The following AOC1 variants were observed in gnomAD, a reference collection of about 807,000 sequenced individuals.
AOC1 encodes diamine oxidase [copper-containing].
A neutral mutation model predicts 57.1 loss-of-function variants in AOC1; 58 were observed. The observed-to-expected ratio is 1.02, with a 90% CI of 0.82 to 1.26. AOC1 has a LOEUF of 1.26. AOC1 is among the 50% of genes most tolerant of loss of function. The pLI is 0.00. For synonymous variants in AOC1, 401 were observed against 423.4 expected (o/e 0.95, Z 0.65); for missense variants, 917 against 1,005.3 (o/e 0.91, Z 1.19).
chr7:150,856,430 G>A lies in AOC1; in HGVS notation c.-16-25G>A. The stretch of plus-strand genomic sequence containing the variant: ...CCATCTCTGCCCATAAGACAACTAA[G>A]TTCATCTCCTCTATTGCATTCCAGA... On this transcript the variant is annotated intron_variant, in intron 1 of 4. Transcript: ENST00000360937. This position sits in a 1 kb window ranked among gnomAD's most constrained non-coding sequence, Gnocchi z 5.2. The A allele has an allele frequency of 6.4e-7, 1 of 1,571,262 alleles. No homozygotes were observed. Among genetic ancestry groups the A allele is most frequent in the Non-Finnish European group, 8.6e-7 (1 of 1,162,960 alleles).
At chr7:150,859,072 G>A in intron 3 of AOC1, 24 bp downstream of exon 3, 1 of 1,522,398 alleles carries the variant, frequency 6.6e-7, no homozygotes, top group Middle Eastern at 1.9e-4. Flanking sequence ...AGGGGGCCTG[G>A]GGGAGGGTCA....
chr7:150,860,123 G>A (rs1027037733), intron 3 of AOC1, among the ~76,000 whole-genome samples: 4 of 151,822 alleles, frequency 2.6e-5, no homozygotes, highest in African/African-American at 9.7e-5. Flanking sequence ...AGGTTGCAGT[G>A]AGCCAAGATC....
In AOC1 at chr7:150,860,616, G is replaced by A. The variant is rs150589026; in HGVS notation, c.1972G>A (p.Glu658Lys). 2.2e-5 allele frequency: 35 copies of A among 1,613,914 alleles called. No homozygotes were observed. The East Asian group carries it at 5.6e-4, about 26-fold the overall frequency. ...VVFEQFLHNN[E>K]NIENEDLVAW... Reference sequence around the variant, plus strand: ...CTTTGAGCAGTTTCTTCACAACAACGAGAACATTGAAAATGAGGTACTGCC... The same window carrying A: ...CTTTGAGCAGTTTCTTCACAACAACAAGAACATTGAAAATGAGGTACTGCC... Residue 658 changes from glutamate to lysine, a missense_variant, in exon 4 of 5, where the codon GAG (glutamate) becomes AAG (lysine). By Grantham distance (56) the Glu-to-Lys change is moderately conservative. Transcript: ENST00000360937.
Position 150,856,481 on chromosome 7 carries a change from T to G in AOC1, c.11T>G (p.Leu4Arg). The G allele has an allele frequency of 6.2e-7, 1 of 1,613,060 alleles. No individual in the cohort carries two copies. Among genetic ancestry groups the G allele is most frequent in the Non-Finnish European group, 8.5e-7 (1 of 1,179,608 alleles). Residue 4 changes from leucine (L) to arginine (R), a missense_variant, in exon 2 of 5, where the codon CTG (leucine) becomes CGG (arginine). Physicochemically the swap from Leu to Arg is moderately radical, Grantham distance 102 (BLOSUM62 -2). Coordinates refer to ENST00000360937, the MANE Select transcript of AOC1 (RefSeq NM_001091.4). This position sits in a 1 kb window ranked among gnomAD's most constrained non-coding sequence, Gnocchi z 5.2. The stretch of plus-strand genomic sequence containing the variant: ...GCCGTGGAGCGAGAGATGCCGGCCC[T>G]GGGCTGGGCCGTGGCTGCCATCCTG... MPA[L>R]GWAVAAILML...
chr7:150,856,877 C>G lies in AOC1; in HGVS notation c.407C>G (p.Ser136Cys). The G allele has an allele frequency of 6.2e-7, 1 of 1,614,104 alleles. No individual in the cohort carries two copies. The highest frequency in any genetic ancestry group is 8.5e-7 in the Non-Finnish European group (1 of 1,179,984). The change falls in exon 2 of 5, where the codon TCC becomes TGC. Residue 136 changes from serine (S) to cysteine (C), a missense_variant. Physicochemically the swap from Ser to Cys is moderately radical, Grantham distance 112 (BLOSUM62 -1). Coordinates refer to ENST00000360937, the MANE Select transcript of AOC1 (RefSeq NM_001091.4). The surrounding 1 kb of genome is among the most constrained non-coding windows in gnomAD (Gnocchi z 5.2). ...CTGTCCCCCAGGCCTGGGTACCAGT[C>G]CTCCTGGGCATCGAGGCCCATCTCC... ...RALSPRPGYQ[S>C]SWASRPISTA...
Position 150,857,089 on chromosome 7 carries a change from G to A in AOC1, c.619G>A (p.Val207Ile). The change falls in exon 2 of 5, where the codon GTA (valine) becomes ATA (isoleucine). Residue 207 changes from valine to isoleucine, a missense_variant. Transcript: ENST00000360937. This position sits in a 1 kb window ranked among gnomAD's most constrained non-coding sequence, Gnocchi z 6.6. ...CAGTTGGCTTATCATACAGCGCTAT[G>A]TAGAAGGCTACTTTCTGCACCCCAC... The part of the protein sequence containing the change: ...RRSWLIIQRY[V>I]EGYFLHPTGL... The A allele has an allele frequency of 6.2e-7, 1 of 1,614,104 alleles. No individual in the cohort carries two copies. Among genetic ancestry groups the A allele is most frequent in the Non-Finnish European group, 8.5e-7 (1 of 1,180,002 alleles).
rs1799967318 is a variant in AOC1 at position 150,861,430 on chromosome 7, ACT to A, written c.*223_*224del. The A allele has an allele frequency of 6.0e-6, 3 of 496,296 alleles. No homozygotes were observed. Among genetic ancestry groups the A allele is most frequent in the Non-Finnish European group, 1.1e-5 (3 of 285,028 alleles). 30.7% of individuals were successfully genotyped at this position (496,296 alleles called of 1,614,324 possible). A position where few individuals can be genotyped will look rare whatever the true frequency, so the allele number is the denominator to read the frequency against. On this transcript the variant is annotated 3_prime_UTR_variant, in exon 5 of 5. Coordinates refer to ENST00000360937, the MANE Select transcript of AOC1 (RefSeq NM_001091.4). The surrounding 1 kb of genome is among the most constrained non-coding windows in gnomAD (Gnocchi z 4.5). Reference sequence around the variant, plus strand: ...CGTGCACACACACAGACGTGCACGCACTCACACGGACATGCACACACATGGCA... The same window carrying A: ...CGTGCACACACACAGACGTGCACGCACACACGGACATGCACACACATGGCA...
chr7:150,857,343 C>T lies in AOC1; in HGVS notation c.873C>T (p.Phe291=). The T allele has an allele frequency of 1.9e-6, 3 of 1,604,490 alleles. No individual in the cohort carries two copies. Among genetic ancestry groups the T allele is most frequent in the Non-Finnish European group, 2.6e-6 (3 of 1,174,182 alleles). ...CCTCCCACAAGCCCCGCGGGGACTT[C>T]CCCAGCCCCATCCATGTGAGCGGCC... ...LFSSHKPRGD[F]PSPIHVSGPR... Residue 291 remains phenylalanine, a synonymous_variant, in exon 2 of 5, where the codon TTC becomes TTT. Transcript: ENST00000360937. This position sits in a 1 kb window ranked among gnomAD's most constrained non-coding sequence, Gnocchi z 6.6.
intron 1 of AOC1, among the ~76,000 whole-genome samples, chr7:150,854,664 G>A (rs752856622): frequency 6.6e-6 from 1 of 152,130 alleles, no homozygotes; most frequent in Non-Finnish European, 1.5e-5. Context: ...GTTAACACAT[G>A]GGTTGTGTTC....
At position 150,852,769 on chromosome 7, in the gene AOC1, C is replaced by T. The variant is rs1244342811; in HGVS notation, c.-17+211C>T. ...CGGCCAGGGTGGAGTGGGGAAAGCT[C>T]AGAGAGGAGGGTGAGCAGGGAGAGG... On this transcript the variant is annotated intron_variant, in intron 1 of 4. Transcript: ENST00000360937. This position sits in a 1 kb window ranked among gnomAD's most constrained non-coding sequence, Gnocchi z 4.6. Among the ~76,000 whole-genome samples, 3 of 152,116 alleles carry T rather than the reference C, an allele frequency of 2.0e-5. No individual in the cohort carries two copies. Among genetic ancestry groups the T allele is most frequent in the African/African-American group, 7.2e-5 (3 of 41,424 alleles).
In AOC1 at chr7:150,856,846, C is replaced by T. The variant is rs181034632; in HGVS notation, c.376C>T (p.Arg126Ter). 2.9e-5 allele frequency: 46 copies of T among 1,613,948 alleles called. No individual in the cohort carries two copies. Among genetic ancestry groups the T allele is most frequent in the African/African-American group, 8.0e-5 (6 of 74,932 alleles). Reference sequence around the variant, plus strand: ...GCCCCTGCCAGGGCCCTGCTACATGCGAGCACTGTCCCCCAGGCCTGGGTA... The same window carrying T: ...GCCCCTGCCAGGGCCCTGCTACATGTGAGCACTGTCCCCCAGGCCTGGGTA... Reference protein sequence around the residue: ...VGPLPGPCYMRALSPRPGYQS... With the variant: ...VGPLPGPCYM The change falls in exon 2 of 5, where the codon CGA becomes TGA. Residue 126 changes from arginine to a stop codon, truncating the protein, a stop_gained. Transcript: ENST00000360937. LOFTEE classifies it high-confidence loss of function. This position sits in a 1 kb window ranked among gnomAD's most constrained non-coding sequence, Gnocchi z 5.2.
chr7:150,859,947 G>A, intron 3 of AOC1: 1 of 154,510 alleles, frequency 6.5e-6, no homozygotes, highest in Admixed American at 6.4e-5. Flanking sequence ...GGGAGGCCAA[G>A]GTGGGCAGAT....
chr7:150,859,053 G>C lies in AOC1; in HGVS notation c.1856+5G>C. On this transcript the variant is annotated splice_donor_5th_base_variant and intron_variant, in intron 3 of 4. Transcript: ENST00000360937. Reference sequence around the variant, plus strand: ...GCAGGCCATCACCTGGGCAAGGTGAGGAAGACCCAGGGGGCCTGGGGGAGG... The same window carrying C: ...GCAGGCCATCACCTGGGCAAGGTGACGAAGACCCAGGGGGCCTGGGGGAGG... 1 of 1,552,280 alleles carries C rather than the reference G, an allele frequency of 6.4e-7. No individual in the cohort carries two copies. Among genetic ancestry groups the C allele is most frequent in the Non-Finnish European group, 8.7e-7 (1 of 1,145,346 alleles).
chr7:150,853,054 A>G (rs1799666266), intron 1 of AOC1, among the ~76,000 whole-genome samples: 1 of 152,200 alleles, frequency 6.6e-6, no homozygotes, highest in African/African-American at 2.4e-5. Context: ...GATTCCAAAT[A>G]CAGGACGTTC....
chr7:150,860,754 G>A (rs1056178717), intron 4 of AOC1, 121 bp downstream of exon 4: 22 of 1,394,474 alleles, frequency 1.6e-5, no homozygotes, highest in Middle Eastern at 2.1e-4. Context: ...GTCCCCAGTC[G>A]CAGGAGCTGT....
rs748879563 is a variant in AOC1, at chr7:150,860,576, G to C, written c.1932G>C (p.Trp644Cys). Reference sequence around the variant, plus strand: ...GCATCTACCACCAGAACGACCCCTGGCACCCGCCCGTGGTCTTTGAGCAGT... The same window carrying C: ...GCATCTACCACCAGAACGACCCCTGCCACCCGCCCGTGGTCTTTGAGCAGT... ...SSSIYHQNDP[W>C]HPPVVFEQFL... The change falls in exon 4 of 5, where the codon TGG becomes TGC. Residue 644 changes from tryptophan to cysteine, a missense_variant. Transcript: ENST00000360937. 6.2e-7 allele frequency: 1 copy of C among 1,614,010 alleles called. No homozygotes were observed. Among genetic ancestry groups the C allele is most frequent in the East Asian group, 2.2e-5 (1 of 44,864 alleles).
rs1799662576 is a variant in AOC1 at position 150,852,907 on chromosome 7, C to A, written c.-17+349C>A. 6.6e-6 allele frequency among the ~76,000 whole-genome samples: 1 copy of A among 152,148 alleles called. No homozygotes were observed. Among genetic ancestry groups the A allele is most frequent in the Non-Finnish European group, 1.5e-5 (1 of 68,034 alleles). ...GCAAAGGTCTCTTCCACATCTTTCTCCTTCCTGGAAAAGCAAAAAGAAACG... is the reference window on the plus strand; with the variant it reads ...GCAAAGGTCTCTTCCACATCTTTCTACTTCCTGGAAAAGCAAAAAGAAACG... On this transcript the variant is annotated intron_variant, in intron 1 of 4. Transcript: ENST00000360937. This position sits in a 1 kb window ranked among gnomAD's most constrained non-coding sequence, Gnocchi z 4.6.
chr7:150,858,061 C>G (rs1304268440), intron 2 of AOC1, 21 bp downstream of exon 2: 2 of 1,499,640 alleles, frequency 1.3e-6, no homozygotes, highest in Non-Finnish European at 8.8e-7. Context: ...AAGCGAGACT[C>G]TCCCGTTCAA....
Position 150,858,892 on chromosome 7 carries a change from TCCG to T in AOC1, c.1702_1704del (p.Arg568del). The T allele has an allele frequency of 6.2e-7, 1 of 1,613,664 alleles. No individual in the cohort carries two copies. Among genetic ancestry groups the T allele is most frequent in the Non-Finnish European group, 8.5e-7 (1 of 1,179,760 alleles). On this transcript the variant is annotated inframe_deletion, in exon 3 of 5. Coordinates refer to ENST00000360937, the MANE Select transcript of AOC1 (RefSeq NM_001091.4). ...TACTCCTGGGAGCGCCAGGCGGCCT[TCCG>T]CTTCAAAAGGAAGCTGCCTAAGTAC... is the stretch of plus-strand genomic sequence containing the variant.
Sources: gnomAD v4.1 joint callset for allele counts (sites outside exome capture counted in the v4.1 genomes callset) on GRCh38, gnomAD v4.1.1 for gene constraint, Gnocchi (gnomAD v3.1) non-coding constraint, MANE v1.5 for transcripts, NCBI Gene and HGNC (gene_info 2026-07-23, HGNC 2026-07-21) for gene names.